RBM34: variants seen among roughly 807,000 people sequenced by gnomAD.
RBM34 encodes RNA binding motif protein 34.
In RBM34, 39 loss-of-function variants were observed where a neutral mutation model predicts 44.6. The ratio of observed to expected loss-of-function variants is 0.87; its 90% CI spans 0.68 to 1.14. RBM34 has a LOEUF of 1.14. RBM34 is among the 50% of genes most tolerant of loss of function. The pLI is 0.00. For missense variants in RBM34, 572 were observed against 517.9 expected (o/e 1.10, Z -1.01); for synonymous variants, 194 against 184.0 (o/e 1.05, Z -0.44).
At chr1:235,152,260 A>G (rs991307103) in intron 5 of RBM34, among the ~76,000 whole-genome samples, 2 of 152,212 alleles carry the variant, frequency 1.3e-5, no homozygotes, top group Admixed American at 6.5e-5. Flanking sequence ...TCACTTCTAT[A>G]AAGTTTTAAT....
At chr1:235,140,266 G>T (rs1661620321) in intron 6 of RBM34, among the ~76,000 whole-genome samples, 1 of 152,236 alleles carries the variant, frequency 6.6e-6, no homozygotes, top group Non-Finnish European at 1.5e-5. Context: ...GGCTCCCTCA[G>T]CTTGCAGGGA....
intron 6 of RBM34, among the ~76,000 whole-genome samples, chr1:235,143,154 T>C (rs66912035): frequency 0.16 from 24,968 of 152,152 alleles, 2,311 homozygotes; most frequent in African/African-American, 0.23. Flanking sequence ...TGCCTAACAT[T>C]TTTAGTCACT....
chr1:235,135,788 CA>C lies in RBM34; in HGVS notation c.890-19del. On this transcript the variant is annotated intron_variant, in intron 9 of 10. Coordinates refer to ENST00000408888, the MANE Select transcript of RBM34 (RefSeq NM_015014.4). ...TTCAACTTCTGAAAACAAATTCAAT[CA>C]AAATGGAAGTAAAGAGTTGGGAGCC... 1.9e-6 allele frequency: 3 copies of C among 1,597,312 alleles called. No homozygotes were observed. The highest frequency in any genetic ancestry group is 2.6e-6 in the Non-Finnish European group (3 of 1,164,844).
At chr1:235,135,970 T>G (rs1661410358) in intron 9 of RBM34, 64 bp downstream of exon 9, 11 of 1,372,014 alleles carry the variant, frequency 8.0e-6, no homozygotes, top group Non-Finnish European at 1.0e-5. Context: ...AAGTTACTAC[T>G]CAGTTCTTAT....
chr1:235,152,551 T>C (rs1662209094), intron 5 of RBM34, 155 bp downstream of exon 5: 14 of 1,396,298 alleles, frequency 1.0e-5, no homozygotes, highest in Non-Finnish European at 1.3e-5. Context: ...GAGTCAGCAG[T>C]AGATAGTAAG....
At position 235,135,920 on chromosome 1, in the gene RBM34, C is replaced by T. The variant is rs372765830; in HGVS notation, c.889+114G>A. 4.6e-5 allele frequency: 57 copies of T among 1,237,172 alleles called. No individual in the cohort carries two copies. The African/African-American group carries it at 8.4e-4, about 18-fold the overall frequency. 76.6% of individuals were successfully genotyped at this position (1,237,172 alleles called of 1,614,324 possible). A position where few individuals can be genotyped will look rare whatever the true frequency, so the allele number is the denominator to read the frequency against. ...TTAGTACATGTGCTGCCACGGCAAA[C>T]ACATTGCATGCTTTAAAATTAGTCT... On this transcript the variant is annotated intron_variant, in intron 9 of 10. Coordinates refer to ENST00000408888, the MANE Select transcript of RBM34 (RefSeq NM_015014.4).
At chr1:235,160,285 T>C (rs948021014) in intron 3 of RBM34, 22 of 681,046 alleles carry the variant, frequency 3.2e-5, no homozygotes, top group Middle Eastern at 2.4e-4. Flanking sequence ...AGGGGGTATA[T>C]GAGTGGGGTA....
chr1:235,136,099 A>G (rs771848680), intron 8 of RBM34, 26 bp from the exon 9 acceptor site: 1 of 1,579,994 alleles, frequency 6.3e-7, no homozygotes, highest in Admixed American at 1.7e-5. Context: ...AGTTAATAAA[A>G]ATCACTCACT....
intron 6 of RBM34, among the ~76,000 whole-genome samples, chr1:235,141,296 A>C (rs1048535189): frequency 2.6e-5 from 4 of 151,790 alleles, no homozygotes; most frequent in African/African-American, 7.3e-5. Flanking sequence ...AAACACACCA[A>C]TCAGCACCCT....
intron 5 of RBM34, among the ~76,000 whole-genome samples, chr1:235,151,144 G>A (rs1032423486): frequency 2.6e-5 from 4 of 152,136 alleles, no homozygotes; most frequent in Admixed American, 6.6e-5. Context: ...AAAAAGAAAG[G>A]AATGACTCAT....
intron 8 of RBM34, among the ~76,000 whole-genome samples, chr1:235,137,640 T>A (rs1661481712): frequency 6.6e-6 from 1 of 151,256 alleles, no homozygotes; most frequent in African/African-American, 2.4e-5. Context: ...CCTCCCAAAA[T>A]GTTAGGATTA....
In RBM34 at chr1:235,131,413, CAGG is replaced by C. The variant is rs1429083759; in HGVS notation, c.*297_*299del. Reference sequence around the variant, plus strand: ...ATCCCAGCTACTTGGGAGGCTGAGGCAGGAGAAGCGCTTGAACCCAGAAGGCAG... The same window carrying C: ...ATCCCAGCTACTTGGGAGGCTGAGGCAGAAGCGCTTGAACCCAGAAGGCAG... On this transcript the variant is annotated 3_prime_UTR_variant, in exon 11 of 11. Transcript: ENST00000408888. The C allele has an allele frequency of 9.5e-6, 2 of 209,530 alleles. No individual in the cohort carries two copies. The highest frequency in any genetic ancestry group is 1.4e-4 in the South Asian group (1 of 7,156). 13.0% of individuals were successfully genotyped at this position (209,530 alleles called of 1,614,324 possible).
Position 235,160,910 on chromosome 1 carries a change from A to T in RBM34, c.211T>A (p.Tyr71Asn). 1 of 1,614,174 alleles carries T rather than the reference A, an allele frequency of 6.2e-7. No homozygotes were observed. Among genetic ancestry groups the T allele is most frequent in the Non-Finnish European group, 8.5e-7 (1 of 1,180,036 alleles). ...SSLEPQIQPVYVPVPKQTIKK... is the reference protein window; with the variant it reads ...SSLEPQIQPVNVPVPKQTIKK... ...TGACTTACTTTAGGCACAGGCACGT[A>T]CACGGGTTGAATCTGGGGCTCCAGA... The change falls in exon 2 of 11, where the codon TAC becomes AAC. Residue 71 changes from tyrosine to asparagine, a missense_variant. By Grantham distance (143) the Tyr-to-Asn change is moderately radical. Transcript: ENST00000408888.
chr1:235,161,098 C>A (rs1480756832), intron 1 of RBM34, 31 bp from the exon 2 acceptor site: 1 of 1,608,016 alleles, frequency 6.2e-7, no homozygotes, highest in South Asian at 1.1e-5. Flanking sequence ...CTCAGCCACG[C>A]CACGCACCAC....
rs148517589 is a variant in RBM34 at position 235,153,042 on chromosome 1, G to C, written c.598-277C>G. Among the ~76,000 whole-genome samples, 12 of 152,098 alleles carry C rather than the reference G, an allele frequency of 7.9e-5. No homozygotes were observed. In the East Asian group the frequency reaches 2.3e-3, roughly 29 times the overall value. On this transcript the variant is annotated intron_variant, in intron 4 of 10. Coordinates refer to ENST00000408888, the MANE Select transcript of RBM34 (RefSeq NM_015014.4). ...CCGCCACCATGCTCAGCTAATTTTC[G>C]TATTTTTAGTAGAGACGGGGTTTCG... is the stretch of plus-strand genomic sequence containing the variant.
At chr1:235,159,290 G>A (rs1025869295) in intron 3 of RBM34, among the ~76,000 whole-genome samples, 4 of 151,934 alleles carry the variant, frequency 2.6e-5, no homozygotes, top group South Asian at 2.1e-4. Context: ...GATGGCTCAC[G>A]TATGTAATCC....
At chr1:235,136,096 A>G in intron 8 of RBM34, 23 bp from the exon 9 acceptor site, 1 of 1,585,680 alleles carries the variant, frequency 6.3e-7, no homozygotes, top group Non-Finnish European at 8.6e-7. Flanking sequence ...GACAGTTAAT[A>G]AAAATCACTC....
At chr1:235,156,332 C>T (rs182175085) in intron 3 of RBM34, among the ~76,000 whole-genome samples, 4 of 152,226 alleles carry the variant, frequency 2.6e-5, no homozygotes, top group African/African-American at 9.6e-5. Context: ...TTTTTGAACA[C>T]GTTAAATCTG....
At chr1:235,142,926 CAAA>C (rs34015202) in intron 6 of RBM34, among the ~76,000 whole-genome samples, 1 of 66,248 alleles carries the variant, frequency 1.5e-5, no homozygotes, top group Admixed American at 1.7e-4. Flanking sequence ...GGATCCATCT[CAAA>C]AAAAAAAAAA....
Sources: allele counts gnomAD v4.1 joint callset (sites outside exome capture counted in the v4.1 genomes callset), GRCh38; gene constraint gnomAD v4.1.1; transcripts MANE v1.5; gene names NCBI Gene and HGNC (gene_info 2026-07-23, HGNC 2026-07-21).